The following TNKS1BP1 variants were observed in gnomAD, a reference collection of about 807,000 sequenced individuals.
TNKS1BP1 encodes the protein 182 kDa tankyrase-1-binding protein.
Under a neutral mutation model 141.1 loss-of-function variants are expected in TNKS1BP1, and 48 were observed. The ratio of observed to expected loss-of-function variants is 0.34; its 90% CI spans 0.27 to 0.43. The LOEUF is 0.43. TNKS1BP1 is among the 20% of genes least tolerant of loss of function. The pLI is 1.00. For missense variants in TNKS1BP1, 2,149 were observed against 2,226.0 expected, an observed-to-expected ratio of 0.97 and a Z score of 0.70; for synonymous variants, 875 against 898.2, an observed-to-expected ratio of 0.97 and a Z score of 0.46.
chr11:57,317,516 G>A (rs1855816102), intron 4 of TNKS1BP1, among the ~76,000 whole-genome samples: 1 of 152,216 alleles, frequency 6.6e-6, no homozygotes, highest in Non-Finnish European at 1.5e-5. Flanking sequence ...GGATTGAGTT[G>A]GTTAACGTTC....
In TNKS1BP1 at chr11:57,301,036, C is replaced by G. The variant is rs958008767; in HGVS notation, c.4977G>C (p.Lys1659Asn). 1 of 1,609,852 alleles carries G rather than the reference C, an allele frequency of 6.2e-7. No homozygotes were observed. The highest frequency in any genetic ancestry group is 8.5e-7 in the Non-Finnish European group (1 of 1,177,464). ...PGLSPSALKA[K>N]LRPRNRSAEE... ...CAGCTGAGCGATTCCGGGGGCGCAGCTTGGCCTGAGAAGCAAGTCCAGAAG... is the reference window on the plus strand; with the variant it reads ...CAGCTGAGCGATTCCGGGGGCGCAGGTTGGCCTGAGAAGCAAGTCCAGAAG... Residue 1659 changes from lysine to asparagine, a missense_variant, in exon 10 of 12, where the codon AAG becomes AAC. Physicochemically the swap from Lys to Asn is moderately conservative, Grantham distance 94 (BLOSUM62 0). Coordinates refer to ENST00000358252, the MANE Select transcript of TNKS1BP1 (RefSeq NM_033396.3).
chr11:57,311,336 T>A, intron 5 of TNKS1BP1: 1 of 985,776 alleles, frequency 1.0e-6, no homozygotes, highest in Non-Finnish European at 1.2e-6. Flanking sequence ...ATAGACATGC[T>A]GGCCTCCCCA....
chr11:57,300,034 G>A lies in TNKS1BP1; in HGVS notation c.*60C>T, dbSNP rs1170588484. ...GGGCTCCAGCCGTCTCCTCACCCAG[G>A]GACCCCACAGGAATGGGCACTGCCT... On this transcript the variant is annotated 3_prime_UTR_variant, in exon 12 of 12. Coordinates refer to ENST00000358252, the MANE Select transcript of TNKS1BP1 (RefSeq NM_033396.3). 5.8e-5 allele frequency: 9 copies of A among 154,840 alleles called. No individual in the cohort carries two copies. The highest frequency in any genetic ancestry group is 1.0e-4 in the Non-Finnish European group (7 of 69,518). 9.6% of individuals were successfully genotyped at this position (154,840 alleles called of 1,614,324 possible).
Position 57,320,370 on chromosome 11 carries a change from G to A in TNKS1BP1, c.437C>T (p.Pro146Leu), listed in dbSNP as rs1486932871. 1.9e-6 allele frequency: 3 copies of A among 1,614,002 alleles called. No individual in the cohort carries two copies. The highest frequency in any genetic ancestry group is 1.7e-6 in the Non-Finnish European group (2 of 1,180,036). Residue 146 changes from proline (P) to leucine (L), a missense_variant, in exon 3 of 12, where the codon CCT (proline) becomes CTT (leucine). Pro to Leu is a moderately conservative substitution (Grantham distance 98). Coordinates refer to ENST00000358252, the MANE Select transcript of TNKS1BP1 (RefSeq NM_033396.3). ...CTCTGAGGCTGGGCGGAAAGGGGCA[G>A]GGGCCTTCCGTACACCCCCTGGGGC... Reference protein sequence around the residue: ...CAAPGGVRKAPAPFRPASERF... With the variant: ...CAAPGGVRKALAPFRPASERF...
Position 57,312,776 on chromosome 11 carries a change from G to A in TNKS1BP1, c.1912C>T (p.Pro638Ser), listed in dbSNP as rs146831405. Residue 638 changes from proline (P) to serine (S), a missense_variant, in exon 5 of 12, where the codon CCT becomes TCT. Physicochemically the swap from Pro to Ser is moderately conservative, Grantham distance 74 (BLOSUM62 -1). Coordinates refer to ENST00000358252, the MANE Select transcript of TNKS1BP1 (RefSeq NM_033396.3). ...DQPCVLFADAPEPGQALPVEE... is the reference protein window; with the variant it reads ...DQPCVLFADASEPGQALPVEE... ...ACAGGCAGTGCCTGTCCAGGCTCAG[G>A]GGCATCAGCAAAGAGAACACAGGGC... 2 of 1,607,840 alleles carry A rather than the reference G, an allele frequency of 1.2e-6. No individual in the cohort carries two copies. Among genetic ancestry groups the A allele is most frequent in the African/African-American group, 2.7e-5 (2 of 74,870 alleles).
chr11:57,311,465 T>C, intron 5 of TNKS1BP1: 1 of 985,824 alleles, frequency 1.0e-6, no homozygotes, highest in Non-Finnish European at 1.2e-6. Context: ...CCGACGGCTC[T>C]GGCGCTGGCT....
At chr11:57,320,898 C>A (rs1304799809) in intron 2 of TNKS1BP1, among the ~76,000 whole-genome samples, 186 bp from the exon 3 acceptor site, 1 of 152,222 alleles carries the variant, frequency 6.6e-6, no homozygotes, top group Non-Finnish European at 1.5e-5. Context: ...CCCAAAGCAT[C>A]TTCTCCCTTC....
rs568793049 is a variant in TNKS1BP1 at position 57,312,739 on chromosome 11, GCCT to G, written c.1946_1948del (p.Glu649del). ...GGTCTCAGCCCGGGCTAGGGTCACG[GCCT>G]CCTCCTCAACAGGCAGTGCCTGTCC... On this transcript the variant is annotated inframe_deletion, in exon 5 of 12. Coordinates refer to ENST00000358252, the MANE Select transcript of TNKS1BP1 (RefSeq NM_033396.3). 1.4e-4 allele frequency: 223 copies of G among 1,587,338 alleles called. No individual in the cohort carries two copies. The African/African-American group carries it at 1.6e-3, about 12-fold the overall frequency.
In TNKS1BP1 at chr11:57,316,934, C is replaced by T. The variant is rs149254810; in HGVS notation, c.798+884G>A. Among the ~76,000 whole-genome samples, 362 of 152,330 alleles carry T rather than the reference C, an allele frequency of 2.4e-3. 2 individuals carry two copies. Among genetic ancestry groups the T allele is most frequent in the Non-Finnish European group, 3.8e-3 (259 of 68,030 alleles). On this transcript the variant is annotated intron_variant, in intron 4 of 11. Transcript: ENST00000358252. ...GCCTTCGAGACTTGACACAATCCAA[C>T]CCCCCAACCCGTTGGTCCTCACTAC...
intron 5 of TNKS1BP1, chr11:57,311,410 C>T (rs1855708787): frequency 3.0e-6 from 3 of 985,768 alleles, no homozygotes; most frequent in African/African-American, 1.7e-5. Flanking sequence ...TGCGGCCAGC[C>T]GGGCGCAGGG....
chr11:57,317,924 T>C, intron 3 of TNKS1BP1, 37 bp from the exon 4 acceptor site: 1 of 1,594,820 alleles, frequency 6.3e-7, no homozygotes, highest in South Asian at 1.1e-5. Context: ...AAGCACGGAA[T>C]GTTAGAGTCT....
In TNKS1BP1 at chr11:57,321,870, G is replaced by C. The variant is rs747487081; in HGVS notation, c.16C>G (p.Leu6Val). The C allele has an allele frequency of 1.9e-6, 3 of 1,614,002 alleles. No homozygotes were observed. The highest frequency in any genetic ancestry group is 1.3e-5 in the African/African-American group (1 of 74,900). Residue 6 changes from leucine to valine, a missense_variant, in exon 2 of 12, where the codon CTC becomes GTC. By Grantham distance (32) the Leu-to-Val change is conservative (BLOSUM62 1). Transcript: ENST00000358252. MKVST[L>V]RESSAMASPL... Reference sequence around the variant, plus strand: ...GAAGCCATGGCTGAGCTTTCCCTGAGAGTAGACACTTTCATCACATGCGGC... The same window carrying C: ...GAAGCCATGGCTGAGCTTTCCCTGACAGTAGACACTTTCATCACATGCGGC...
chr11:57,311,793 C>G (rs540187686), intron 5 of TNKS1BP1, among the ~76,000 whole-genome samples: 2 of 152,380 alleles, frequency 1.3e-5, no homozygotes, highest in Admixed American at 1.3e-4. Flanking sequence ...TGGCCCGGGC[C>G]CAGCCACCAA....
rs560675750 is a variant in TNKS1BP1 at position 57,300,702 on chromosome 11, C to G, written c.5130-102G>C. Reference sequence around the variant, plus strand: ...GAAACCACCCTCTAACCAGAAGAGGCAGTCTGGGGCCTGGCTGCAGGGACC... The same window carrying G: ...GAAACCACCCTCTAACCAGAAGAGGGAGTCTGGGGCCTGGCTGCAGGGACC... On this transcript the variant is annotated intron_variant, in intron 10 of 11. Transcript: ENST00000358252. The G allele has an allele frequency of 6.5e-6, 10 of 1,527,812 alleles. No individual in the cohort carries two copies. The East Asian group carries it at 2.0e-4, about 31-fold the overall frequency. The allele number at this position is 1,527,812 out of a possible 1,614,324, so 94.6% of individuals were successfully genotyped here. A position where few individuals can be genotyped will look rare whatever the true frequency, so the allele number is the denominator to read the frequency against.
intron 2 of TNKS1BP1, 48 bp downstream of exon 2, chr11:57,321,744 T>TGGCG: frequency 1.9e-6 from 2 of 1,039,822 alleles, no homozygotes; most frequent in Non-Finnish European, 3.0e-6. Context: ...CCTCTGTCCT[T>TGGCG]CCCACCCCCC....
chr11:57,323,926 G>C (rs1223763947), intron 1 of TNKS1BP1, among the ~76,000 whole-genome samples: 1 of 152,176 alleles, frequency 6.6e-6, no homozygotes, highest in East Asian at 1.9e-4. Flanking sequence ...GGCGGGCTCA[G>C]AGTCCCCAGG....
Position 57,313,119 on chromosome 11 carries a change from T to C in TNKS1BP1, c.1569A>G (p.Gly523=), listed in dbSNP as rs2134363269. The change falls in exon 5 of 12, where the codon GGA becomes GGG. Residue 523 remains glycine (G), a synonymous_variant. Coordinates refer to ENST00000358252, the MANE Select transcript of TNKS1BP1 (RefSeq NM_033396.3). ...GNLAVSSREE[G]VSQQGQGAGS... The stretch of plus-strand genomic sequence containing the variant: ...CAGCCCCTTGCCCCTGCTGAGACAC[T>C]CCTTCTTCCCTGCTGGAAACGGCCA... The C allele has an allele frequency of 6.2e-7, 1 of 1,613,192 alleles. No individual in the cohort carries two copies. Among genetic ancestry groups the C allele is most frequent in the Non-Finnish European group, 8.5e-7 (1 of 1,179,998 alleles).
In TNKS1BP1 at chr11:57,310,506, T is replaced by C. The variant is rs776231286; in HGVS notation, c.2205A>G (p.Thr735=). 2.9e-5 allele frequency: 46 copies of C among 1,609,354 alleles called. No homozygotes were observed. The highest frequency in any genetic ancestry group is 3.9e-5 in the Non-Finnish European group (46 of 1,180,004). Residue 735 remains threonine (T), a synonymous_variant, in exon 6 of 12, where the codon ACA becomes ACG. Coordinates refer to ENST00000358252, the MANE Select transcript of TNKS1BP1 (RefSeq NM_033396.3). ...TGAAACTGCTGGGCTGTGGGTCTCCTGTGATCCCAAATTCACTCTGCAGAT... is the reference window on the plus strand; with the variant it reads ...TGAAACTGCTGGGCTGTGGGTCTCCCGTGATCCCAAATTCACTCTGCAGAT... The part of the protein sequence containing the change: ...QKDLQSEFGI[T]GDPQPSSFSP...
chr11:57,319,192 T>C (rs1855843902), intron 3 of TNKS1BP1, among the ~76,000 whole-genome samples: 1 of 147,316 alleles, frequency 6.8e-6, no homozygotes, highest in Non-Finnish European at 1.5e-5. Flanking sequence ...ACCTCTCCCA[T>C]CAGATTCCAC....
Sources: allele counts gnomAD v4.1 joint callset (sites outside exome capture counted in the v4.1 genomes callset), GRCh38; gene constraint gnomAD v4.1.1; transcripts MANE v1.5; gene names NCBI Gene and HGNC (gene_info 2026-07-23, HGNC 2026-07-21).